MGAT5: variants seen among roughly 807,000 people sequenced by gnomAD.
MGAT5 encodes alpha-1,6-mannosylglycoprotein 6-beta-N-acetylglucosaminyltransferase, also known as alpha-1,6-mannosylglycoprotein 6-beta-N-acetylglucosaminyltransferase A.
A neutral mutation model predicts 94.3 loss-of-function variants in MGAT5; 30 were observed. The observed-to-expected ratio is 0.32, with a 90% CI of 0.24 to 0.43. MGAT5 has a LOEUF of 0.43. Among genes scored for constraint, MGAT5 ranks in the 20% least tolerant of loss-of-function variants. The pLI is 1.00. For synonymous variants in MGAT5, 310 were observed against 322.9 expected, an observed-to-expected ratio of 0.96 and a Z score of 0.43; for missense variants, 691 against 905.5, an observed-to-expected ratio of 0.76 and a Z score of 3.04.
At chr2:134,397,639 G>A (rs530151397) in intron 10 of MGAT5, among the ~76,000 whole-genome samples, 2 of 152,162 alleles carry the variant, frequency 1.3e-5, no homozygotes, top group East Asian at 1.9e-4. Flanking sequence ...CCCATCCCAT[G>A]GTAAGCTTAT....
At chr2:134,437,510 G>A (rs979638123) in intron 14 of MGAT5, among the ~76,000 whole-genome samples, 2 of 152,176 alleles carry the variant, frequency 1.3e-5, no homozygotes, top group African/African-American at 2.4e-5. Context: ...CATTTTCCCA[G>A]CCTAATCCAG....
intron 2 of MGAT5, among the ~76,000 whole-genome samples, chr2:134,274,220 A>G (rs181904795): frequency 1.3e-5 from 2 of 152,354 alleles, no homozygotes; most frequent in Admixed American, 6.5e-5. Context: ...CCTGTTGAAG[A>G]TAATTCAGTA....
At chr2:134,350,831 T>C (rs1025662057) in intron 9 of MGAT5, among the ~76,000 whole-genome samples, 4 of 152,210 alleles carry the variant, frequency 2.6e-5, no homozygotes, top group African/African-American at 9.6e-5. Flanking sequence ...AATTCCTATT[T>C]TCTAAAATTA....
intron 4 of MGAT5, among the ~76,000 whole-genome samples, chr2:134,333,519 G>A (rs1688127246): frequency 1.3e-5 from 2 of 151,634 alleles, no homozygotes; most frequent in South Asian, 4.2e-4. Flanking sequence ...CACCAGCATG[G>A]CACATGTATA....
At chr2:134,189,603 T>TTTTGTTTTGTTTTGA (rs532822759) in intron 1 of MGAT5, among the ~76,000 whole-genome samples, 3 of 57,540 alleles carry the variant, frequency 5.2e-5, no homozygotes, top group African/African-American at 3.2e-4. Flanking sequence ...TTTTTTTTTG[T>TTTTGTTTTGTTTTGA]TTTTTTTTTT....
At chr2:134,156,182 T>A (rs1687471257) in intron 1 of MGAT5, among the ~76,000 whole-genome samples, 1 of 152,170 alleles carries the variant, frequency 6.6e-6, no homozygotes, top group Non-Finnish European at 1.5e-5. Flanking sequence ...AGGCCGCCGG[T>A]CTGTGCATGA....
chr2:134,130,415 T>C lies in MGAT5; in HGVS notation c.-143+10124T>C, dbSNP rs1260060216. On this transcript the variant is annotated intron_variant, in intron 1 of 16. Coordinates refer to the MGAT5 transcript ENST00000409645. ...ATGCAGGCGCGGGGCGTGGGATTGG[T>C]GGGCAGCTCTGCCTGCGGCCCTGGC... Among the ~76,000 whole-genome samples, 3 of 152,242 alleles carry C rather than the reference T, an allele frequency of 2.0e-5. No homozygotes were observed. The East Asian group carries it at 5.8e-4, about 29-fold the overall frequency.
At chr2:134,370,610 C>T (rs1213969360) in intron 10 of MGAT5, among the ~76,000 whole-genome samples, 1 of 152,260 alleles carries the variant, frequency 6.6e-6, no homozygotes, top group Non-Finnish European at 1.5e-5. Context: ...GTGTAGGCAT[C>T]AGTGGAGATG....
chr2:134,176,410 A>C (rs1688466711), intron 1 of MGAT5, among the ~76,000 whole-genome samples: 1 of 151,942 alleles, frequency 6.6e-6, no homozygotes, highest in Non-Finnish European at 1.5e-5. Context: ...CTTCTCTGTT[A>C]AAAATACAAA....
intron 1 of MGAT5, among the ~76,000 whole-genome samples, chr2:134,169,954 A>G (rs2105108844): frequency 6.6e-6 from 1 of 152,332 alleles, no homozygotes; most frequent in Middle Eastern, 3.4e-3. Context: ...TCTTTATATC[A>G]TGAACTTTTT....
chr2:134,419,130 A>C (rs1684137808), intron 12 of MGAT5, among the ~76,000 whole-genome samples: 1 of 152,242 alleles, frequency 6.6e-6, no homozygotes, highest in Non-Finnish European at 1.5e-5. Flanking sequence ...CATATTAAGT[A>C]ATAATTGATC....
upstream of MGAT5, among the ~76,000 whole-genome samples, chr2:134,249,997 A>G (rs986577815): frequency 6.6e-6 from 1 of 152,154 alleles, no homozygotes; most frequent in Non-Finnish European, 1.5e-5. Context: ...ATTTCCTCTA[A>G]TGACTAATGA....
In MGAT5 at chr2:134,129,459, TG is replaced by T. The variant is rs527987228; in HGVS notation, c.-143+9173del. ...GGGATTAGTATATGATGAACATCTT[TG>T]GGGGCCCCTTTTCTGCCTACCACAG... On this transcript the variant is annotated intron_variant, in intron 1 of 16. Transcript: ENST00000409645. Among the ~76,000 whole-genome samples the T allele has an allele frequency of 3.3e-3, 510 of 152,322 alleles. 3 individuals carry two copies. The highest frequency in any genetic ancestry group is 3.9e-3 in the South Asian group (19 of 4,824).
In MGAT5 at chr2:134,403,078, G is replaced by A. The variant is rs1361689219; in HGVS notation, c.1471G>A (p.Val491Met). Residue 491 changes from valine to methionine, a missense_variant, in exon 11 of 16, where the codon GTG becomes ATG. Val to Met is a conservative substitution (Grantham distance 21). Transcript: ENST00000281923. ...GSSTKNIPSYVKNHGILSGRD... is the reference protein window; with the variant it reads ...GSSTKNIPSYMKNHGILSGRD... ...CAGCACAAAGAATATTCCCAGTTAC[G>A]TGAAAAACCATGGTATCCTCAGTGG... The A allele has an allele frequency of 6.2e-7, 1 of 1,611,498 alleles. No homozygotes were observed. The highest frequency in any genetic ancestry group is 1.1e-5 in the South Asian group (1 of 90,406).
At chr2:134,134,200 A>G (rs1336595518) in intron 1 of MGAT5, among the ~76,000 whole-genome samples, 3 of 152,038 alleles carry the variant, frequency 2.0e-5, no homozygotes, top group African/African-American at 7.2e-5. Flanking sequence ...TTTCACTCCT[A>G]AGCGTTTTTG....
At chr2:134,295,074 A>G (rs572609234) in intron 2 of MGAT5, among the ~76,000 whole-genome samples, 2 of 152,328 alleles carry the variant, frequency 1.3e-5, no homozygotes, top group East Asian at 3.9e-4. Context: ...TGGCCTTGCT[A>G]AGGAAATTAA....
chr2:134,200,680 A>G (rs1679743046), intron 1 of MGAT5, among the ~76,000 whole-genome samples: 1 of 152,196 alleles, frequency 6.6e-6, no homozygotes. Context: ...TGAGCAAAAC[A>G]GATGAGTTCT....
chr2:134,430,233 G>C (rs987288989), intron 14 of MGAT5, among the ~76,000 whole-genome samples: 2 of 152,194 alleles, frequency 1.3e-5, no homozygotes, highest in African/African-American at 4.8e-5. Context: ...CGTCCTCTTA[G>C]GGAAAATAGT....
intron 11 of MGAT5, among the ~76,000 whole-genome samples, chr2:134,407,473 G>C (rs1683408032): frequency 6.6e-6 from 1 of 152,142 alleles, no homozygotes; most frequent in Non-Finnish European, 1.5e-5. Flanking sequence ...GACTTTCAGA[G>C]CAAAAGTGCA....
Sources: allele counts gnomAD v4.1 joint callset (sites outside exome capture counted in the v4.1 genomes callset), GRCh38; gene constraint gnomAD v4.1.1; transcripts MANE v1.5; gene names NCBI Gene and HGNC (gene_info 2026-07-23, HGNC 2026-07-21).